COL21A1: variants seen among roughly 807,000 people sequenced by gnomAD.
COL21A1 encodes collagen alpha-1(XXI) chain.
COL21A1 carries 149 observed loss-of-function variants against 137.9 expected under a neutral mutation model. That is an observed-to-expected ratio of 1.08 (90% CI 0.95 to 1.24). The LOEUF is 1.24. Among genes scored for constraint, COL21A1 ranks in the 50% most tolerant of loss-of-function variants. The probability of loss-of-function intolerance (pLI) is 0.00; values close to 1 mark genes in which losing one functional copy is unlikely to be tolerated. For missense variants in COL21A1, 1,167 were observed against 1,158.4 expected (o/e 1.01, Z -0.11); for synonymous variants, 456 against 391.5 (o/e 1.16, Z -1.95).
chr6:56,219,141 C>T (rs1016684414), intron 1 of COL21A1, among the ~76,000 whole-genome samples: 1 of 143,554 alleles, frequency 7.0e-6, no homozygotes, highest in African/African-American at 2.6e-5. Flanking sequence ...TTTATGCAAA[C>T]AACCAGCGAC....
At chr6:56,123,501 G>C (rs983087581) in intron 16 of COL21A1, among the ~76,000 whole-genome samples, 5 of 152,154 alleles carry the variant, frequency 3.3e-5, no homozygotes, top group African/African-American at 1.2e-4. Context: ...TCCAATGATT[G>C]ACCAAATGGC....
chr6:56,057,717 T>G lies in COL21A1; in HGVS notation c.2814A>C (p.Pro938=), dbSNP rs375354879. 6.8e-6 allele frequency: 11 copies of G among 1,613,056 alleles called. No individual in the cohort carries two copies. Among genetic ancestry groups the G allele is most frequent in the Non-Finnish European group, 8.5e-6 (10 of 1,179,570 alleles). ...GQPGPPGICD[P]SLCFSVIARR... ...TGGCAATTACACTAAAACATAGTGA[T>G]GGGTCGCAGATGCCTGGGGGGCCTG... Residue 938 remains proline, a synonymous_variant, in exon 30 of 30, where the codon CCA becomes CCC. Coordinates refer to ENST00000244728, the MANE Select transcript of COL21A1 (RefSeq NM_030820.4).
intron 1 of COL21A1, among the ~76,000 whole-genome samples, chr6:56,393,785 C>T (rs1217695381): frequency 6.6e-6 from 1 of 152,176 alleles, no homozygotes; most frequent in African/African-American, 2.4e-5. Flanking sequence ...GGATAAACTG[C>T]CTCCAGGACT....
chr6:56,291,309 T>C (rs974914467), intron 1 of COL21A1, among the ~76,000 whole-genome samples: 10 of 152,108 alleles, frequency 6.6e-5, no homozygotes, highest in African/African-American at 2.4e-4. Context: ...TCTTGGCCAG[T>C]GCTGGGGTGT....
intron 1 of COL21A1, among the ~76,000 whole-genome samples, chr6:56,280,478 T>A (rs1181824923): frequency 2.0e-5 from 3 of 152,104 alleles, no homozygotes; most frequent in Non-Finnish European, 4.4e-5. Context: ...CCGCTGGAGA[T>A]GAAAAGTGAA....
intron 3 of COL21A1, among the ~76,000 whole-genome samples, chr6:56,176,022 C>T (rs1019761861): frequency 7.2e-5 from 11 of 151,940 alleles, no homozygotes; most frequent in East Asian, 5.8e-4. Flanking sequence ...TAAGACTGCC[C>T]GACGGGGAAA....
At chr6:56,088,921 G>T (rs1768524498) in intron 17 of COL21A1, among the ~76,000 whole-genome samples, 1 of 151,968 alleles carries the variant, frequency 6.6e-6, no homozygotes, top group Non-Finnish European at 1.5e-5. Context: ...TGAGTAGCTG[G>T]CACTAGGCAC....
In COL21A1 at chr6:56,273,747, C is replaced by T. The variant is rs1462149620; in HGVS notation, c.-38-91091G>A. ...TTAGTAATAATAAACCAAAAACAAT[C>T]CTGGCCCAGATAGATTCCTAGCCAA... On this transcript the variant is annotated intron_variant, in intron 1 of 28. Transcript: ENST00000370819. Among the ~76,000 whole-genome samples, 6 of 152,222 alleles carry T rather than the reference C, an allele frequency of 3.9e-5. 1 individual carries two copies. Among genetic ancestry groups the T allele is most frequent in the African/African-American group, 1.4e-4 (6 of 41,538 alleles).
At chr6:56,165,907 TACACACACACAC>T (rs61397350) in intron 7 of COL21A1, among the ~76,000 whole-genome samples, 2,501 of 105,784 alleles carry the variant, frequency 0.024, 68 homozygotes, top group African/African-American at 0.083. Flanking sequence ...GGGGATTGAT[TACACACACACAC>T]ACACACACAC....
At chr6:56,098,314 A>AAT (rs1172961851) in intron 17 of COL21A1, among the ~76,000 whole-genome samples, 1 of 60,542 alleles carries the variant, frequency 1.7e-5, no homozygotes, top group African/African-American at 8.7e-5. Context: ...TAAATATATA[A>AAT]ATATATATAA....
intron 1 of COL21A1, among the ~76,000 whole-genome samples, chr6:56,256,504 G>A (rs1038438796): frequency 1.3e-5 from 2 of 152,002 alleles, no homozygotes; most frequent in African/African-American, 4.8e-5. Flanking sequence ...AAATTAGATC[G>A]TTGAAAACTT....
intron 10 of COL21A1, among the ~76,000 whole-genome samples, chr6:56,156,574 G>A (rs891031803): frequency 6.6e-6 from 1 of 152,126 alleles, no homozygotes; most frequent in Admixed American, 6.5e-5. Flanking sequence ...TAACTTTGAT[G>A]AGCACCAATT....
chr6:56,128,685 C>G (rs1023971538), intron 12 of COL21A1, among the ~76,000 whole-genome samples: 2 of 152,122 alleles, frequency 1.3e-5, no homozygotes, highest in African/African-American at 4.8e-5. Context: ...GATGGAGTTT[C>G]GCTCTTTCGC....
chr6:56,264,654 T>C (rs1482865326), intron 1 of COL21A1, among the ~76,000 whole-genome samples: 1 of 152,222 alleles, frequency 6.6e-6, no homozygotes, highest in Non-Finnish European at 1.5e-5. Context: ...ACAAGCCACC[T>C]ATAATTCAAC....
At chr6:56,254,813 G>A (rs1782928950) in intron 1 of COL21A1, among the ~76,000 whole-genome samples, 1 of 152,120 alleles carries the variant, frequency 6.6e-6, no homozygotes, top group Non-Finnish European at 1.5e-5. Flanking sequence ...AATTTTTCAT[G>A]AAGAAAATCA....
intron 1 of COL21A1, among the ~76,000 whole-genome samples, chr6:56,256,717 T>C (rs1354675218): frequency 6.6e-6 from 1 of 152,020 alleles, no homozygotes; most frequent in Non-Finnish European, 1.5e-5. Flanking sequence ...TAAAAACCCC[T>C]TTTTTAAAAA....
intron 1 of COL21A1, among the ~76,000 whole-genome samples, chr6:56,226,822 A>G (rs769746303): frequency 3.3e-5 from 5 of 152,016 alleles, no homozygotes; most frequent in South Asian, 2.1e-4. Context: ...TGTTATGACA[A>G]TGAAACTTTC....
upstream of COL21A1, among the ~76,000 whole-genome samples, chr6:56,251,560 T>C (rs1223178651): frequency 2.0e-5 from 3 of 152,214 alleles, no homozygotes; most frequent in Non-Finnish European, 4.4e-5. Flanking sequence ...TAAAGCTCTT[T>C]GATTGGATGT....
intron 16 of COL21A1, among the ~76,000 whole-genome samples, chr6:56,104,846 G>A (rs1176661123): frequency 6.6e-6 from 1 of 152,056 alleles, no homozygotes; most frequent in East Asian, 1.9e-4. Flanking sequence ...TGTGGTCTTT[G>A]GTATTTACCC....
Sources: gnomAD v4.1 joint callset for allele counts (sites outside exome capture counted in the v4.1 genomes callset) on GRCh38, gnomAD v4.1.1 for gene constraint, MANE v1.5 for transcripts, NCBI Gene and HGNC (gene_info 2026-07-23, HGNC 2026-07-21) for gene names.